Variants in XIAP observed in about 807,000 individuals in gnomAD.
The protein encoded by XIAP is X-linked inhibitor of apoptosis, also known as E3 ubiquitin-protein ligase XIAP.
In XIAP, 3 loss-of-function variants were observed where a neutral mutation model predicts 33.1. That is an observed-to-expected ratio of 0.09 (90% confidence interval 0.04 to 0.23). The LOEUF (loss-of-function observed/expected upper bound fraction) is 0.23, where lower values mean the gene tolerates loss of function less well. Ranked by LOEUF, XIAP falls within the 10% of genes least tolerant of loss-of-function variation. The pLI is 1.00. For missense variants in XIAP, 264 were observed against 363.0 expected, an observed-to-expected ratio of 0.73 and a Z score of 2.22; for synonymous variants, 98 against 121.3, an observed-to-expected ratio of 0.81 and a Z score of 1.26.
chrX:123,899,633 G>C (rs993146347), intron 5 of XIAP, among the ~76,000 whole-genome samples: 6 of 108,349 alleles, frequency 5.5e-5, no homozygotes, highest in African/African-American at 2.0e-4. Flanking sequence ...CATGCAGTAG[G>C]TACTCTTTTG....
At chrX:123,875,932 C>A (rs2053240115) in intron 1 of XIAP, among the ~76,000 whole-genome samples, 1 of 112,242 alleles carries the variant, frequency 8.9e-6, no homozygotes, top group African/African-American at 3.2e-5. Flanking sequence ...GCGATCCACC[C>A]ACCTCGGCCT....
At chrX:123,879,315 G>GGTT (rs56261418) in intron 1 of XIAP, 1 of 86,545 alleles carries the variant, frequency 1.2e-5, no homozygotes. Flanking sequence ...CACAGAAAGA[G>GGTT]TTTTTTTTTT....
chrX:123,864,652 GTGTGTGTGTGTGTGTGTGT>G (rs1490757078), intron 1 of XIAP, among the ~76,000 whole-genome samples: 1 of 45,385 alleles, frequency 2.2e-5, no homozygotes, highest in African/African-American at 1.1e-4. Flanking sequence ...GTGTGTGTGT[GTGTGTGTGTGTGTGTGTGT>G]GTGTGTGTGT....
At chrX:123,888,198 G>T (rs191991818) in intron 2 of XIAP, among the ~76,000 whole-genome samples, 1 of 109,966 alleles carries the variant, frequency 9.1e-6, no homozygotes, top group Non-Finnish European at 1.9e-5. Context: ...AGCCGGGTGT[G>T]GTGGCGCATG....
At chrX:123,880,609 C>T (rs773514190) in intron 1 of XIAP, among the ~76,000 whole-genome samples, 165 of 104,608 alleles carry the variant, frequency 1.6e-3, no homozygotes, top group South Asian at 2.6e-3. Context: ...TGGTGGCGGG[C>T]GCCTGTAATC....
At chrX:123,866,178 A>T (rs111297514) in intron 1 of XIAP, among the ~76,000 whole-genome samples, 18,486 of 108,553 alleles carry the variant, frequency 0.17, 1,286 homozygotes, top group South Asian at 0.39. Context: ...TGACCTCGTG[A>T]TCCACCCACC....
rs1245926606 is a variant in XIAP at position 123,911,911 on chromosome X, T to A, written c.*4730T>A. 3.1e-6 allele frequency: 1 copy of A among 326,820 alleles called. No homozygotes were observed. The highest frequency in any genetic ancestry group is 3.1e-5 in the Admixed American group (1 of 31,752). 26.9% of individuals were successfully genotyped at this position (326,820 alleles called of 1,213,427 possible). The stretch of plus-strand genomic sequence containing the variant: ...TTAGAGAGTATCCAGTTCTTTCATT[T>A]TACAGGTGAGGCAACTGAGACTCAA... On this transcript the variant is annotated 3_prime_UTR_variant, in exon 7 of 7. Transcript: ENST00000371199.
At chrX:123,879,353 G>C (rs1267749766) in intron 1 of XIAP, 1 of 84,586 alleles carries the variant, frequency 1.2e-5, no homozygotes, top group Admixed American at 1.7e-4. Context: ...GAGTCACTCT[G>C]TCACCCAGGC....
chrX:123,905,698 T>TA (rs2053551705), intron 6 of XIAP, among the ~76,000 whole-genome samples: 1 of 112,524 alleles, frequency 8.9e-6, no homozygotes, highest in Non-Finnish European at 1.9e-5. Context: ...ATTTCTTGAA[T>TA]AAACTATTGT....
intron 1 of XIAP, among the ~76,000 whole-genome samples, chrX:123,866,155 G>A (rs2148070678): frequency 9.1e-6 from 1 of 109,917 alleles, no homozygotes; most frequent in African/African-American, 3.3e-5. Flanking sequence ...TAACCAGGTT[G>A]GCCTCGAACT....
At chrX:123,896,287 G>A (rs760750399) in intron 5 of XIAP, among the ~76,000 whole-genome samples, 7 of 109,434 alleles carry the variant, frequency 6.4e-5, no homozygotes, top group African/African-American at 1.3e-4. Context: ...TGGTGGTCTC[G>A]AACCCCTGGG....
At chrX:123,904,412 T>C (rs1420413049) in intron 6 of XIAP, among the ~76,000 whole-genome samples, 1 of 111,381 alleles carries the variant, frequency 9.0e-6, no homozygotes, top group Non-Finnish European at 1.9e-5. Context: ...TTGTATTTTT[T>C]CCTCTGCCTT....
chrX:123,903,819 G>A (rs375534909), intron 6 of XIAP, among the ~76,000 whole-genome samples: 9 of 108,320 alleles, frequency 8.3e-5, no homozygotes, highest in African/African-American at 3.0e-4. Context: ...CAGGCGTGGT[G>A]GCACACGCCT....
At position 123,907,434 on chromosome X, in the gene XIAP, C is replaced by T. The variant is rs1057515749; in HGVS notation, c.*253C>T. 8 of 444,477 alleles carry T rather than the reference C, an allele frequency of 1.8e-5. No individual in the cohort carries two copies. The highest frequency in any genetic ancestry group is 3.2e-5 in the Non-Finnish European group (8 of 249,969). The allele number at this position is 444,477 out of a possible 1,213,427, so 36.6% of individuals were successfully genotyped here. A position where few individuals can be genotyped will look rare whatever the true frequency, so the allele number is the denominator to read the frequency against. ...TAGACTAAGAATAAGAAGCATCATA[C>T]TATAACTGAACACAATGTGTATTCA... On this transcript the variant is annotated 3_prime_UTR_variant, in exon 7 of 7. Transcript: ENST00000371199.
At position 123,910,166 on chromosome X, in the gene XIAP, G is replaced by T. The variant is rs1471627647; in HGVS notation, c.*2985G>T. On this transcript the variant is annotated 3_prime_UTR_variant, in exon 7 of 7. Transcript: ENST00000371199. ...TCTTAATTTTTGAGAACTGGTTTTAGCATTTACAAACTAAATTCCAGTTAA... is the reference window on the plus strand; with the variant it reads ...TCTTAATTTTTGAGAACTGGTTTTATCATTTACAAACTAAATTCCAGTTAA... The T allele has an allele frequency of 3.1e-6, 1 of 326,081 alleles. No individual in the cohort carries two copies. The highest frequency in any genetic ancestry group is 5.9e-6 in the Non-Finnish European group (1 of 169,149). The allele number at this position is 326,081 out of a possible 1,213,427, so 26.9% of individuals were successfully genotyped here.
At chrX:123,890,207 G>A (rs2053393637) in intron 3 of XIAP, among the ~76,000 whole-genome samples, 1 of 100,897 alleles carries the variant, frequency 9.9e-6, no homozygotes, top group Non-Finnish European at 2.0e-5. Flanking sequence ...TACTAGAGAC[G>A]GGGTTTCACC....
At chrX:123,887,480 A>G (rs1336011877) in intron 2 of XIAP, among the ~76,000 whole-genome samples, 2 of 112,743 alleles carry the variant, frequency 1.8e-5, no homozygotes, top group African/African-American at 6.4e-5. Flanking sequence ...TAATGCCTAT[A>G]AAATATTGGT....
intron 1 of XIAP, among the ~76,000 whole-genome samples, chrX:123,883,882 T>G: frequency 8.9e-6 from 1 of 111,911 alleles, no homozygotes; most frequent in Non-Finnish European, 1.9e-5. Context: ...TCTTTGAATC[T>G]TGATTTTTGT....
At chrX:123,896,470 C>A (rs1569478901) in intron 5 of XIAP, among the ~76,000 whole-genome samples, 1 of 109,258 alleles carries the variant, frequency 9.2e-6, no homozygotes, top group Admixed American at 9.9e-5. Flanking sequence ...TATTACAGTT[C>A]TTTTTTTTGG....
Sources: allele counts gnomAD v4.1 joint callset (sites outside exome capture counted in the v4.1 genomes callset), GRCh38; gene constraint gnomAD v4.1.1; transcripts MANE v1.5; gene names NCBI Gene and HGNC (gene_info 2026-07-23, HGNC 2026-07-21).